Variants in NR3C2 observed in about 807,000 individuals in gnomAD.
The protein encoded by NR3C2 is nuclear receptor subfamily 3 group C member 2.
Under a neutral mutation model 86.4 loss-of-function variants are expected in NR3C2, and 15 were observed. The ratio of observed to expected loss-of-function variants is 0.17; its 90% confidence interval spans 0.12 to 0.27. The LOEUF (loss-of-function observed/expected upper bound fraction) is 0.27, where lower values mean the gene tolerates loss of function less well. Among genes scored for constraint, NR3C2 ranks in the 10% least tolerant of loss-of-function variants. The pLI is 1.00. For missense variants in NR3C2, 960 were observed against 1,195.6 expected (o/e 0.80, Z 2.91); for synonymous variants, 458 against 450.5 (o/e 1.02, Z -0.21).
At chr4:148,433,496 T>G (rs1749895820) in intron 2 of NR3C2, among the ~76,000 whole-genome samples, 3 of 152,160 alleles carry the variant, frequency 2.0e-5, no homozygotes, top group African/African-American at 7.2e-5. Context: ...AAACTAAAAA[T>G]TATAAAACAA....
chr4:148,226,050 AAC>A (rs1484892931), intron 3 of NR3C2, among the ~76,000 whole-genome samples: 6 of 152,320 alleles, frequency 3.9e-5, no homozygotes, highest in East Asian at 3.9e-4. Flanking sequence ...AGAAAATAAT[AAC>A]ACAGTACAAT....
chr4:148,394,298 A>G (rs1402159351), intron 2 of NR3C2, among the ~76,000 whole-genome samples: 4 of 152,128 alleles, frequency 2.6e-5, no homozygotes, highest in Non-Finnish European at 4.4e-5. Context: ...GCCTGAACCA[A>G]TAACTTTGGA....
At chr4:148,411,130 C>T (rs71616584) in intron 2 of NR3C2, among the ~76,000 whole-genome samples, 12,669 of 150,614 alleles carry the variant, frequency 0.084, 980 homozygotes, top group East Asian at 0.41. Context: ...CCGTCCCCCA[C>T]CCGCCCACCA....
At chr4:148,231,694 T>C (rs753992754) in intron 3 of NR3C2, among the ~76,000 whole-genome samples, 4 of 152,306 alleles carry the variant, frequency 2.6e-5, no homozygotes, top group African/African-American at 9.6e-5. Context: ...TGAAGTTTGC[T>C]GCAAAGATTT....
At chr4:148,313,338 T>C (rs1742998458) in intron 2 of NR3C2, among the ~76,000 whole-genome samples, 1 of 152,162 alleles carries the variant, frequency 6.6e-6, no homozygotes, top group South Asian at 2.1e-4. Flanking sequence ...CATAAAAATA[T>C]TTTTGAACCA....
intron 1 of NR3C2, among the ~76,000 whole-genome samples, chr4:148,440,392 G>A (rs1321377666): frequency 6.6e-6 from 1 of 152,168 alleles, no homozygotes; most frequent in African/African-American, 2.4e-5. Context: ...ACTAACTAGT[G>A]AATACTGAAA....
At chr4:148,364,230 C>T (rs1383755554) in intron 2 of NR3C2, among the ~76,000 whole-genome samples, 1 of 152,160 alleles carries the variant, frequency 6.6e-6, no homozygotes, top group African/African-American at 2.4e-5. Flanking sequence ...CTTTAAATAA[C>T]TCGAGGAGCT....
At chr4:148,275,937 G>C (rs1336652272) in intron 2 of NR3C2, among the ~76,000 whole-genome samples, 1 of 152,134 alleles carries the variant, frequency 6.6e-6, no homozygotes. Flanking sequence ...CATAATGTAT[G>C]ACACATTATG....
At position 148,128,801 on chromosome 4, in the gene NR3C2, A is replaced by G. The variant is rs534745761; in HGVS notation, c.2511-8513T>C. Among the ~76,000 whole-genome samples, 5 of 152,334 alleles carry G rather than the reference A, an allele frequency of 3.3e-5. No homozygotes were observed. In the South Asian group the frequency reaches 8.3e-4, roughly 25 times the overall value. On this transcript the variant is annotated intron_variant, in intron 6 of 8. Coordinates refer to ENST00000358102, the MANE Select transcript of NR3C2 (RefSeq NM_000901.5). ...TTCGGCTAGACCACTAGGAAGTCAC[A>G]TAGGCAGGCCTCCAAAGCAGTGCAT... is the stretch of plus-strand genomic sequence containing the variant.
upstream of NR3C2, chr4:148,444,484 C>T (rs983821132): frequency 1.5e-5 from 15 of 985,808 alleles, no homozygotes; most frequent in African/African-American, 2.6e-4. Context: ...TCCGGACCCC[C>T]TCTCGCCGCT....
chr4:148,117,669 A>T (rs1732333305), intron 7 of NR3C2, among the ~76,000 whole-genome samples: 1 of 152,172 alleles, frequency 6.6e-6, no homozygotes, highest in African/African-American at 2.4e-5. Flanking sequence ...GATGTTACCC[A>T]TGTCACCACT....
At chr4:148,136,056 C>CA (rs199716496) in intron 6 of NR3C2, among the ~76,000 whole-genome samples, 1,161 of 71,022 alleles carry the variant, frequency 0.016, 65 homozygotes, top group Non-Finnish European at 0.025. Flanking sequence ...GACTCCGTCT[C>CA]AAAAAAAAAA....
chr4:148,204,907 G>A (rs958126872), intron 3 of NR3C2, among the ~76,000 whole-genome samples: 4 of 152,148 alleles, frequency 2.6e-5, no homozygotes, highest in African/African-American at 9.7e-5. Context: ...GCCAACATAT[G>A]CACAGCCCTT....
intron 2 of NR3C2, among the ~76,000 whole-genome samples, chr4:148,422,146 C>T (rs1560725371): frequency 1.3e-5 from 2 of 151,988 alleles, no homozygotes; most frequent in Admixed American, 1.3e-4. Flanking sequence ...GGGAAAAATG[C>T]TATTTTTCAC....
At chr4:148,090,606 C>G (rs142437923) in intron 8 of NR3C2, among the ~76,000 whole-genome samples, 3 of 152,198 alleles carry the variant, frequency 2.0e-5, no homozygotes, top group African/African-American at 7.2e-5. Context: ...GAGCCTCTGT[C>G]CCTATCACCC....
At chr4:148,385,822 A>G (rs946156136) in intron 2 of NR3C2, among the ~76,000 whole-genome samples, 4 of 152,106 alleles carry the variant, frequency 2.6e-5, no homozygotes, top group African/African-American at 9.7e-5. Flanking sequence ...AGGTTGACCA[A>G]AGTGTTGCTG....
chr4:148,329,825 A>AT (rs1744145800), intron 2 of NR3C2, among the ~76,000 whole-genome samples: 1 of 152,214 alleles, frequency 6.6e-6, no homozygotes, highest in African/African-American at 2.4e-5. Flanking sequence ...ATACGGAGTG[A>AT]TTTTTCCATG....
At chr4:148,339,749 G>C (rs1306473192) in intron 2 of NR3C2, among the ~76,000 whole-genome samples, 1 of 152,080 alleles carries the variant, frequency 6.6e-6, no homozygotes, top group East Asian at 1.9e-4. Flanking sequence ...CAATTTGGAA[G>C]GAAGAAGTCA....
At chr4:148,210,840 C>T (rs1237581455) in intron 3 of NR3C2, among the ~76,000 whole-genome samples, 1 of 152,218 alleles carries the variant, frequency 6.6e-6, no homozygotes, top group African/African-American at 2.4e-5. Context: ...AAATCACTAA[C>T]TTGCTGGGTC....
Sources: gnomAD v4.1 joint callset for allele counts (sites outside exome capture counted in the v4.1 genomes callset) on GRCh38, gnomAD v4.1.1 for gene constraint, MANE v1.5 for transcripts, NCBI Gene and HGNC (gene_info 2026-07-23, HGNC 2026-07-21) for gene names.